The following SLC6A6 variants were observed in gnomAD, a reference collection of about 807,000 sequenced individuals.
SLC6A6 encodes solute carrier family 6 member 6, also known as sodium- and chloride-dependent taurine transporter.
SLC6A6 carries 16 observed loss-of-function variants against 68.8 expected under a neutral mutation model. That is an observed-to-expected ratio of 0.23 (90% CI 0.16 to 0.35). The LOEUF is 0.35. Ranked by LOEUF, SLC6A6 falls within the 10% of genes least tolerant of loss-of-function variation. The probability of loss-of-function intolerance (pLI) is 1.00; values close to 1 mark genes in which losing one functional copy is unlikely to be tolerated. For missense variants in SLC6A6, 474 were observed against 802.8 expected (o/e 0.59, Z 4.95); for synonymous variants, 312 against 315.4 (o/e 0.99, Z 0.12).
chr3:14,410,364 T>C (rs1040227341), intron 1 of SLC6A6, among the ~76,000 whole-genome samples: 4 of 152,110 alleles, frequency 2.6e-5, no homozygotes, highest in African/African-American at 9.7e-5. Context: ...CCTGGTTTTG[T>C]CACAAGTCAC....
At chr3:14,406,874 G>A (rs1187816960) in intron 1 of SLC6A6, among the ~76,000 whole-genome samples, 1 of 152,228 alleles carries the variant, frequency 6.6e-6, no homozygotes, top group South Asian at 2.1e-4. Flanking sequence ...AAAGAGTGGG[G>A]AGGGAATGAT....
At chr3:14,449,067 C>T (rs1700196709) in intron 5 of SLC6A6, among the ~76,000 whole-genome samples, 1 of 152,230 alleles carries the variant, frequency 6.6e-6, no homozygotes, top group Non-Finnish European at 1.5e-5. Flanking sequence ...GTTTACCCAC[C>T]TCTTAGGAGC....
At chr3:14,459,146 T>C (rs1445111435) in intron 6 of SLC6A6, among the ~76,000 whole-genome samples, 1 of 152,270 alleles carries the variant, frequency 6.6e-6, no homozygotes, top group African/African-American at 2.4e-5. Flanking sequence ...TGCCTTTAGA[T>C]AGTGCCCTGT....
chr3:14,430,584 C>G (rs1345200360), intron 2 of SLC6A6, among the ~76,000 whole-genome samples: 1 of 152,248 alleles, frequency 6.6e-6, no homozygotes, highest in African/African-American at 2.4e-5. Context: ...CTGAGCTTTT[C>G]TTCTGGCTGA....
rs113673472 is a variant in SLC6A6, at chr3:14,485,159, C to CGTGTGTGTGTGT, written c.*159_*170dup. 8.6e-6 allele frequency: 4 copies of CGTGTGTGTGTGT among 463,772 alleles called. No individual in the cohort carries two copies. The highest frequency in any genetic ancestry group is 4.5e-5 in the South Asian group (1 of 22,404). The allele number at this position is 463,772 out of a possible 1,614,324, so 28.7% of individuals were successfully genotyped here. ...ATGTAATTGTGGGTATGTGTGCGTG[C>CGTGTGTGTGTGT]GTGTGTGTGTGTGTGTGTATCGTGT... is the stretch of plus-strand genomic sequence containing the variant. On this transcript the variant is annotated 3_prime_UTR_variant, in exon 15 of 15. Coordinates refer to ENST00000622186, the MANE Select transcript of SLC6A6 (RefSeq NM_003043.6).
intron 2 of SLC6A6, among the ~76,000 whole-genome samples, chr3:14,436,503 C>A (rs1699853881): frequency 7.0e-6 from 1 of 143,376 alleles, no homozygotes; most frequent in Non-Finnish European, 1.5e-5. Context: ...CACGCCCACC[C>A]AGGAATAGCA....
intron 7 of SLC6A6, among the ~76,000 whole-genome samples, chr3:14,467,470 G>A (rs758285637): frequency 5.3e-5 from 8 of 152,148 alleles, no homozygotes; most frequent in Admixed American, 1.3e-4. Context: ...GGGCTGAATC[G>A]CCACTCTTTG....
At position 14,446,376 on chromosome 3, in the gene SLC6A6, C is replaced by T. The variant is rs142506184; in HGVS notation, c.364+525C>T. 2.6e-3 allele frequency among the ~76,000 whole-genome samples: 395 copies of T among 152,240 alleles called. 3 individuals carry two copies. Among genetic ancestry groups the T allele is most frequent in the Middle Eastern group, 3.4e-3 (1 of 294 alleles). On this transcript the variant is annotated intron_variant, in intron 4 of 14. Coordinates refer to ENST00000622186, the MANE Select transcript of SLC6A6 (RefSeq NM_003043.6). ...AAACTCAACCTTGGGTATACAGGGACATAAAGATGGGAGCAACAGACGCTG... is the reference window on the plus strand; with the variant it reads ...AAACTCAACCTTGGGTATACAGGGATATAAAGATGGGAGCAACAGACGCTG...
intron 14 of SLC6A6, among the ~76,000 whole-genome samples, chr3:14,482,233 C>T (rs546204870): frequency 3.2e-4 from 48 of 152,306 alleles, no homozygotes; most frequent in East Asian, 1.4e-3. Flanking sequence ...GTTCCTGAAG[C>T]GGTGGGACAA....
chr3:14,428,336 G>C (rs1357321891), intron 2 of SLC6A6, among the ~76,000 whole-genome samples: 1 of 152,220 alleles, frequency 6.6e-6, no homozygotes, highest in East Asian at 1.9e-4. Flanking sequence ...GGCGGGCATG[G>C]TGCCCAAGAG....
chr3:14,425,845 G>A (rs999721804), intron 2 of SLC6A6, among the ~76,000 whole-genome samples: 1 of 152,144 alleles, frequency 6.6e-6, no homozygotes, highest in Non-Finnish European at 1.5e-5. Flanking sequence ...TAATTTCTCT[G>A]GCCAGTCTGA....
Position 14,478,469 on chromosome 3 carries a change from G to A in SLC6A6, c.1351G>A (p.Gly451Ser). 1 of 1,606,488 alleles carries A rather than the reference G, an allele frequency of 6.2e-7. No individual in the cohort carries two copies. The highest frequency in any genetic ancestry group is 1.7e-4 in the Middle Eastern group (1 of 6,044). The change falls in exon 12 of 15, where the codon GGC (glycine) becomes AGC (serine). Residue 451 changes from glycine (G) to serine (S), a missense_variant. Gly to Ser is a moderately conservative substitution (Grantham distance 56). Transcript: ENST00000622186. ...LLGLTMVTEG[G>S]MYVFQLFDYY... ...TCTGTGGTTTTTTTCTTCACAGGGTGGCATGTATGTGTTTCAGCTCTTTGA... is the reference window on the plus strand; with the variant it reads ...TCTGTGGTTTTTTTCTTCACAGGGTAGCATGTATGTGTTTCAGCTCTTTGA...
intron 6 of SLC6A6, among the ~76,000 whole-genome samples, chr3:14,463,075 T>C (rs1262027318): frequency 2.0e-5 from 3 of 152,210 alleles, no homozygotes; most frequent in Admixed American, 6.5e-5. Flanking sequence ...CATAGTGAGT[T>C]TGGGGTCCTG....
intron 9 of SLC6A6, among the ~76,000 whole-genome samples, chr3:14,470,074 C>T (rs1277832369): frequency 6.6e-6 from 1 of 152,186 alleles, no homozygotes; most frequent in East Asian, 1.9e-4. Context: ...CAGCTGAGGG[C>T]TTGCAAACCA....
chr3:14,469,141 C>T (rs1700695455), intron 9 of SLC6A6, among the ~76,000 whole-genome samples: 1 of 152,132 alleles, frequency 6.6e-6, no homozygotes, highest in Non-Finnish European at 1.5e-5. Flanking sequence ...CCGACCTCTC[C>T]ACCCTTCCCC....
intron 2 of SLC6A6, among the ~76,000 whole-genome samples, chr3:14,443,036 T>C (rs892730515): frequency 2.0e-5 from 3 of 152,242 alleles, no homozygotes; most frequent in African/African-American, 7.2e-5. Context: ...ATCTCAAATA[T>C]TGTTTCCATT....
intron 6 of SLC6A6, among the ~76,000 whole-genome samples, chr3:14,463,250 G>T (rs1182583864): frequency 1.3e-5 from 2 of 152,174 alleles, no homozygotes; most frequent in African/African-American, 4.8e-5. Context: ...CACCTCTCTG[G>T]GCAGTCTCCT....
rs1038409033 is a variant in SLC6A6, at chr3:14,478,922, T to A, written c.1451-163T>A. ...GCCAGAAAAATACAAGATGCAGAGT[T>A]ATATTTGAATTTCATGTAAATGTCT... On this transcript the variant is annotated intron_variant, in intron 12 of 14. Transcript: ENST00000622186. The A allele has an allele frequency of 4.9e-6, 3 of 612,516 alleles. No homozygotes were observed. In the African/African-American group the frequency reaches 5.5e-5, roughly 11 times the overall value. The allele number at this position is 612,516 out of a possible 1,614,324, so 37.9% of individuals were successfully genotyped here. A position where few individuals can be genotyped will look rare whatever the true frequency, so the allele number is the denominator to read the frequency against.
chr3:14,485,196 G>T lies in SLC6A6; in HGVS notation c.*189G>T. ...TGTGTGTATCGTGTGTGTGTGTTTT[G>T]TTTTGATTTGGGGGATATTTTGTAC... On this transcript the variant is annotated 3_prime_UTR_variant, in exon 15 of 15. Coordinates refer to ENST00000622186, the MANE Select transcript of SLC6A6 (RefSeq NM_003043.6). 1 of 419,718 alleles carries T rather than the reference G, an allele frequency of 2.4e-6. No individual in the cohort carries two copies. Among genetic ancestry groups the T allele is most frequent in the Admixed American group, 4.1e-5 (1 of 24,288 alleles). 26.0% of individuals were successfully genotyped at this position (419,718 alleles called of 1,614,324 possible).
Sources: allele counts gnomAD v4.1 joint callset (sites outside exome capture counted in the v4.1 genomes callset), GRCh38; gene constraint gnomAD v4.1.1; transcripts MANE v1.5; gene names NCBI Gene and HGNC (gene_info 2026-07-23, HGNC 2026-07-21).